OR6P1: variants seen among roughly 807,000 people sequenced by gnomAD.
The protein encoded by OR6P1 is olfactory receptor 6P1.
In OR6P1, 5 loss-of-function variants were observed where a neutral mutation model predicts 6.6. The observed-to-expected ratio is 0.76, with a 90% CI of 0.40 to 1.60. The LOEUF (loss-of-function observed/expected upper bound fraction) is 1.60, where lower values mean the gene tolerates loss of function less well. Among genes scored for constraint, OR6P1 ranks in the 40% most tolerant of loss-of-function variants. The pLI, the probability that OR6P1 is intolerant of heterozygous loss-of-function variation, is 0.02. For missense variants in OR6P1, 451 were observed against 383.0 expected, an observed-to-expected ratio of 1.18 and a Z score of -1.48; for synonymous variants, 177 against 149.6, an observed-to-expected ratio of 1.18 and a Z score of -1.33.
Position 158,562,575 on chromosome 1 carries a change from T to A in OR6P1, c.*76A>T. On this transcript the variant is annotated 3_prime_UTR_variant, in exon 3 of 3. Coordinates refer to ENST00000641540, the MANE Select transcript of OR6P1 (RefSeq NM_001160325.2). ...TTGGCAAATTATATTTATGTTCCCTTAAAGCCTATTCTGATTCCTTGAGGA... is the reference window on the plus strand; with the variant it reads ...TTGGCAAATTATATTTATGTTCCCTAAAAGCCTATTCTGATTCCTTGAGGA... 1.2e-6 allele frequency: 1 copy of A among 810,010 alleles called. No individual in the cohort carries two copies. The highest frequency in any genetic ancestry group is 1.5e-5 in the South Asian group (1 of 64,626). 50.2% of individuals were successfully genotyped at this position (810,010 alleles called of 1,614,324 possible).
chr1:158,567,693 A>T (rs1039479620), intron 1 of OR6P1, among the ~76,000 whole-genome samples: 1 of 150,442 alleles, frequency 6.6e-6, no homozygotes, highest in Non-Finnish European at 1.5e-5. Context: ...ACCTAATGCT[A>T]GATGACGAGT....
rs1169864599 is a variant in OR6P1, at chr1:158,561,507, G to C, written c.*1144C>G. 4.6e-5 allele frequency: 7 copies of C among 152,044 alleles called. No homozygotes were observed. In the South Asian group the frequency reaches 1.5e-3, roughly 32 times the overall value. The allele number at this position is 152,044 out of a possible 1,614,324, so 9.4% of individuals were successfully genotyped here. The stretch of plus-strand genomic sequence containing the variant: ...ACTGACCAACAATCCGTGTTTACTG[G>C]AATTTGTTCCAATATGCATATTTAT... On this transcript the variant is annotated 3_prime_UTR_variant, in exon 3 of 3. Transcript: ENST00000641540.
Position 158,562,811 on chromosome 1 carries a change from A to G in OR6P1, c.794T>C (p.Met265Thr), listed in dbSNP as rs763778677. ...AATCTTGTTGTGGTTGAAGGTGTAC[A>G]TGGCCCGGGGCCGTGCATAGGTGAA... ...TLFTYARPRA[M>T]YTFNHNKIIS... Residue 265 changes from methionine to threonine, a missense_variant, in exon 3 of 3, where the codon ATG (methionine) becomes ACG (threonine). Met to Thr is a moderately conservative substitution (Grantham distance 81). Transcript: ENST00000641540. 6 of 1,552,232 alleles carry G rather than the reference A, an allele frequency of 3.9e-6. No individual in the cohort carries two copies. Among genetic ancestry groups the G allele is most frequent in the East Asian group, 2.4e-5 (1 of 40,906 alleles).
intron 2 of OR6P1, among the ~76,000 whole-genome samples, chr1:158,565,743 G>A (rs997157919): frequency 3.3e-5 from 5 of 151,988 alleles, no homozygotes; most frequent in East Asian, 1.9e-4. Flanking sequence ...TTTTAGCATC[G>A]ATTCTATTCT....
chr1:158,566,427 A>AT (rs1648097292), intron 2 of OR6P1, among the ~76,000 whole-genome samples: 2 of 152,264 alleles, frequency 1.3e-5, no homozygotes, highest in South Asian at 2.1e-4. Flanking sequence ...GGAGTAGGTA[A>AT]TAACAGAGGA....
intron 2 of OR6P1, among the ~76,000 whole-genome samples, chr1:158,565,733 T>C (rs1209393923): frequency 6.6e-6 from 1 of 152,210 alleles, no homozygotes; most frequent in African/African-American, 2.4e-5. Flanking sequence ...ATGAGAAACA[T>C]TTTAGCATCG....
Position 158,563,050 on chromosome 1 carries a change from G to C in OR6P1, c.555C>G (p.Leu185=). ...NHFFCDISPL[L]NLTCSDKEQA... ...GCTCCTTGTCAGAGCAGGTGAGGTT[G>C]AGTAGTGGGGAAATATCACAGAAAA... The change falls in exon 3 of 3, where the codon CTC becomes CTG. Residue 185 remains leucine (L), a synonymous_variant. Coordinates refer to ENST00000641540, the MANE Select transcript of OR6P1 (RefSeq NM_001160325.2). 6.4e-7 allele frequency: 1 copy of C among 1,551,808 alleles called. No individual in the cohort carries two copies. Among genetic ancestry groups the C allele is most frequent in the South Asian group, 1.2e-5 (1 of 84,044 alleles).
rs1038140988 is a variant in OR6P1 at position 158,562,583 on chromosome 1, A to G, written c.*68T>C. 1.1e-6 allele frequency: 1 copy of G among 869,742 alleles called. No homozygotes were observed. The highest frequency in any genetic ancestry group is 1.9e-6 in the Non-Finnish European group (1 of 534,344). 53.9% of individuals were successfully genotyped at this position (869,742 alleles called of 1,614,324 possible). ...TTATATTTATGTTCCCTTAAAGCCT[A>G]TTCTGATTCCTTGAGGAGGCCCTAT... is the stretch of plus-strand genomic sequence containing the variant. On this transcript the variant is annotated 3_prime_UTR_variant, in exon 3 of 3. Transcript: ENST00000641540.
At position 158,562,843 on chromosome 1, in the gene OR6P1, G is replaced by T; in HGVS notation, c.762C>A (p.Ser254=). Reference sequence around the variant, plus strand: ...GGGGCCGTGCATAGGTGAAGAGAGTGGAGGAGTAGTAGATAACAACCACTG... The same window carrying T: ...GGGGCCGTGCATAGGTGAAGAGAGTTGAGGAGTAGTAGATAACAACCACTG... ...HLAVVVIYYS[S]TLFTYARPRA... Residue 254 remains serine, a synonymous_variant, in exon 3 of 3, where the codon TCC becomes TCA. Transcript: ENST00000641540. 6.4e-7 allele frequency: 1 copy of T among 1,552,016 alleles called. No homozygotes were observed. The highest frequency in any genetic ancestry group is 8.7e-7 in the Non-Finnish European group (1 of 1,147,048).
At chr1:158,564,732 T>C (rs1648054271) in intron 2 of OR6P1, among the ~76,000 whole-genome samples, 2 of 152,204 alleles carry the variant, frequency 1.3e-5, no homozygotes, top group South Asian at 4.1e-4. Flanking sequence ...AGAAAATAAC[T>C]CTCTGTTGTT....
chr1:158,568,037 T>A (rs1262352058), intron 1 of OR6P1, among the ~76,000 whole-genome samples: 1 of 152,116 alleles, frequency 6.6e-6, no homozygotes, highest in Non-Finnish European at 1.5e-5. Context: ...CAAGCTCAGT[T>A]GCTGAAAACT....
intron 1 of OR6P1, among the ~76,000 whole-genome samples, chr1:158,567,071 A>G (rs1018118198): frequency 6.6e-5 from 10 of 151,908 alleles, no homozygotes; most frequent in African/African-American, 2.2e-4. Flanking sequence ...CATCAGAGAA[A>G]TGCAAATCAA....
chr1:158,566,078 C>A (rs1403957986), intron 2 of OR6P1, among the ~76,000 whole-genome samples: 2 of 152,092 alleles, frequency 1.3e-5, no homozygotes, highest in Non-Finnish European at 1.5e-5. Flanking sequence ...ATGGCATTAA[C>A]TTACACTCTT....
chr1:158,561,769 C>T lies in OR6P1; in HGVS notation c.*882G>A, dbSNP rs1441895474. 1 of 152,230 alleles carries T rather than the reference C, an allele frequency of 6.6e-6. No homozygotes were observed. Among genetic ancestry groups the T allele is most frequent in the Non-Finnish European group, 1.5e-5 (1 of 68,044 alleles). The allele number at this position is 152,230 out of a possible 1,614,324, so 9.4% of individuals were successfully genotyped here. On this transcript the variant is annotated 3_prime_UTR_variant, in exon 3 of 3. Coordinates refer to ENST00000641540, the MANE Select transcript of OR6P1 (RefSeq NM_001160325.2). ...TATCTGCATCCTATCTATGGCTCTT[C>T]AATCTTCTTTCTTATGAAGGCATTT...
intron 1 of OR6P1, among the ~76,000 whole-genome samples, chr1:158,569,702 T>A (rs183469681): frequency 7.8e-4 from 119 of 152,294 alleles, no homozygotes; most frequent in Middle Eastern, 3.4e-3. Flanking sequence ...GCCCAGTGAG[T>A]TTAAGCACCA....
intron 2 of OR6P1, among the ~76,000 whole-genome samples, chr1:158,565,913 A>C (rs1648086209): frequency 6.6e-6 from 1 of 152,202 alleles, no homozygotes; most frequent in Non-Finnish European, 1.5e-5. Flanking sequence ...ATTCAGTAAC[A>C]TATCATCAAA....
intron 1 of OR6P1, among the ~76,000 whole-genome samples, chr1:158,568,599 C>T (rs916693259): frequency 8.5e-5 from 13 of 152,136 alleles, no homozygotes; most frequent in African/African-American, 2.7e-4. Context: ...GATATTGATG[C>T]TATTGTACAA....
chr1:158,567,035 A>G (rs1030327406), intron 1 of OR6P1, among the ~76,000 whole-genome samples, 177 bp from the exon 2 acceptor site: 6 of 152,256 alleles, frequency 3.9e-5, no homozygotes, highest in African/African-American at 1.4e-4. Flanking sequence ...CAAAAGACAC[A>G]TGAGAAAATG....
rs775882366 is a variant in OR6P1, at chr1:158,562,910, C to G, written c.695G>C (p.Arg232Thr). Residue 232 changes from arginine to threonine, a missense_variant, in exon 3 of 3, where the codon AGG becomes ACG. Coordinates refer to ENST00000641540, the MANE Select transcript of OR6P1 (RefSeq NM_001160325.2). ...AGTGGAAAAGGCTTTGTGGCGTCCC[C>G]TGGACGTAGGGATCCTCAGGATGGC... ...IAAILRIPTS[R>T]GRHKAFSTCA... 15 of 1,551,788 alleles carry G rather than the reference C, an allele frequency of 9.7e-6. No individual in the cohort carries two copies. The South Asian group carries it at 1.5e-4, about 16-fold the overall frequency.
Sources: allele counts gnomAD v4.1 joint callset (sites outside exome capture counted in the v4.1 genomes callset), GRCh38; gene constraint gnomAD v4.1.1; transcripts MANE v1.5; gene names NCBI Gene and HGNC (gene_info 2026-07-23, HGNC 2026-07-21).